Variants in POLR2H observed in about 807,000 individuals in gnomAD.
The protein encoded by POLR2H is DNA-directed RNA polymerases I, II, and III subunit RPABC3.
In POLR2H, 3 loss-of-function variants were observed where a neutral mutation model predicts 18.1. That is an observed-to-expected ratio of 0.17 (90% CI 0.08 to 0.43). The LOEUF (loss-of-function observed/expected upper bound fraction) is 0.43, where lower values mean the gene tolerates loss of function less well. POLR2H is among the 20% of genes least tolerant of loss of function. The pLI is 0.99. For missense variants in POLR2H, 103 were observed against 184.6 expected, an observed-to-expected ratio of 0.56 and a Z score of 2.56; for synonymous variants, 76 against 69.0, an observed-to-expected ratio of 1.10 and a Z score of -0.50.
intron 2 of POLR2H, 55 bp downstream of exon 2, chr3:184,363,620 CCCCTGGGCCCCGTGTCCA>C: frequency 4.3e-6 from 6 of 1,406,354 alleles, no homozygotes; most frequent in Non-Finnish European, 6.0e-6. Context: ...CGCGGACATG[CCCCTGGGCCCCGTGTCCA>C]CCCAGCTCTT....
In POLR2H at chr3:184,365,157, C is replaced by T. The variant is rs1455540036; in HGVS notation, c.182C>T (p.Ala61Val). The T allele has an allele frequency of 1.5e-5, 25 of 1,612,988 alleles. No homozygotes were observed. The Admixed American group carries it at 4.2e-4, about 27-fold the overall frequency. The change falls in exon 4 of 6, where the codon GCT becomes GTT. Residue 61 changes from alanine to valine, a missense_variant. Transcript: ENST00000456318. ...DLGDKFRLVI[A>V]STLYEDGTLD... ...GGTGACAAGTTTCGGTTGGTCATAG[C>T]TAGTACCTTGTATGAAGATGGTACC...
rs369006018 is a variant in POLR2H, at chr3:184,363,578, T to C, written c.73+13T>C. ...AAGTTTGACCGAGGTAAGTAAGGTA[T>C]GTAGGGGCGGTTTGGAGGAAGAGGC... On this transcript the variant is annotated intron_variant, in intron 2 of 5. Transcript: ENST00000456318. 3.7e-6 allele frequency: 6 copies of C among 1,610,522 alleles called. No homozygotes were observed. The African/African-American group carries it at 6.7e-5, about 18-fold the overall frequency.
chr3:184,364,847 G>C, intron 2 of POLR2H, 119 bp from the exon 3 acceptor site: 1 of 695,412 alleles, frequency 1.4e-6, no homozygotes. Flanking sequence ...TTCTATGAGA[G>C]CAGATGAGAG....
intron 5 of POLR2H, among the ~76,000 whole-genome samples, chr3:184,367,932 A>G (rs900491736): frequency 6.6e-6 from 1 of 152,196 alleles, no homozygotes; most frequent in Non-Finnish European, 1.5e-5. Flanking sequence ...TGCCTTGCAC[A>G]TATCTGTGCA....
Position 184,365,209 on chromosome 3 carries a change from T to C in POLR2H, c.234T>C (p.Thr78=). The C allele has an allele frequency of 6.2e-7, 1 of 1,608,790 alleles. No individual in the cohort carries two copies. Among genetic ancestry groups the C allele is most frequent in the Non-Finnish European group, 8.5e-7 (1 of 1,175,110 alleles). The change falls in exon 4 of 6, where the codon ACT becomes ACC. Residue 78 remains threonine, a synonymous_variant. Coordinates refer to ENST00000456318, the MANE Select transcript of POLR2H (RefSeq NM_006232.5). The part of the protein sequence containing the change: ...GTLDDGEYNP[T]DDRPSRADQF... Reference sequence around the variant, plus strand: ...TGGATGATGGTGAATACAACCCCACTGATGATAGGCCTTCCAGGTGAGGGA... The same window carrying C: ...TGGATGATGGTGAATACAACCCCACCGATGATAGGCCTTCCAGGTGAGGGA...
chr3:184,365,868 T>G (rs937376145), intron 4 of POLR2H, among the ~76,000 whole-genome samples: 1 of 145,154 alleles, frequency 6.9e-6, no homozygotes, highest in African/African-American at 2.6e-5. Flanking sequence ...CCCAGCTACT[T>G]GGGAGGCTGA....
At position 184,362,048 on chromosome 3, in the gene POLR2H, G is replaced by A. The variant is rs1260314000; in HGVS notation, c.-719G>A. 3 of 152,546 alleles carry A rather than the reference G, an allele frequency of 2.0e-5. No individual in the cohort carries two copies. The highest frequency in any genetic ancestry group is 4.4e-5 in the Non-Finnish European group (3 of 68,274). 9.4% of individuals were successfully genotyped at this position (152,546 alleles called of 1,614,324 possible). Reference sequence around the variant, plus strand: ...CGAGCGGCCCAGACAGGCCTGGGAAGGCCCCTCTGCCCCGTCAGGGGTGAA... The same window carrying A: ...CGAGCGGCCCAGACAGGCCTGGGAAAGCCCCTCTGCCCCGTCAGGGGTGAA... On this transcript the variant is annotated 5_prime_UTR_variant, in exon 1 of 6. Transcript: ENST00000456318. This position sits in a 1 kb window ranked among gnomAD's most constrained non-coding sequence, Gnocchi z 5.9.
rs1310024910 is a variant in POLR2H at position 184,365,232 on chromosome 3, G to T, written c.251+6G>T. 2.6e-6 allele frequency: 4 copies of T among 1,548,458 alleles called. No homozygotes were observed. The highest frequency in any genetic ancestry group is 3.6e-6 in the Non-Finnish European group (4 of 1,120,292). On this transcript the variant is annotated splice_donor_region_variant and intron_variant, in intron 4 of 5. Coordinates refer to ENST00000456318, the MANE Select transcript of POLR2H (RefSeq NM_006232.5). ...ACTGATGATAGGCCTTCCAGGTGAG[G>T]GAGTGGAGAAGGTAATACTTGAAAT...
rs145245402 is a variant in POLR2H at position 184,368,408 on chromosome 3, C to T, written c.*114C>T. On this transcript the variant is annotated 3_prime_UTR_variant, in exon 6 of 6. Transcript: ENST00000456318. The stretch of plus-strand genomic sequence containing the variant: ...GAGGAAGGGCTGGCTCACTGTCCAC[C>T]GTGGCGGCATCTTTAACTGGCCTCC... The T allele has an allele frequency of 1.5e-5, 12 of 818,988 alleles. No individual in the cohort carries two copies. The highest frequency in any genetic ancestry group is 2.7e-5 in the Admixed American group (1 of 37,370). The allele number at this position is 818,988 out of a possible 1,614,324, so 50.7% of individuals were successfully genotyped here.
At chr3:184,364,786 G>GT in intron 2 of POLR2H, 180 bp from the exon 3 acceptor site, 1 of 583,896 alleles carries the variant, frequency 1.7e-6, no homozygotes, top group Non-Finnish European at 3.0e-6. Flanking sequence ...GCTTGCCACA[G>GT]TTTTTCTCCC....
At chr3:184,363,598 A>G (rs950410908) in intron 2 of POLR2H, 33 bp downstream of exon 2, 23 of 1,574,126 alleles carry the variant, frequency 1.5e-5, no homozygotes, top group Non-Finnish European at 1.7e-5. Flanking sequence ...GTTTGGAGGA[A>G]GAGGCTAACC....
At chr3:184,367,448 A>G (rs183323223) in intron 5 of POLR2H, among the ~76,000 whole-genome samples, 2 of 150,292 alleles carry the variant, frequency 1.3e-5, no homozygotes, top group Admixed American at 6.6e-5. Flanking sequence ...TATGTAAAAC[A>G]TGTTTCCCCA....
In POLR2H at chr3:184,363,271, A is replaced by T. The variant is rs1416910099; in HGVS notation, c.-222A>T. ...CGCCCTCAATGCCGAAGCCTCTCGG[A>T]AGCAATCTTTCGGGACGGAAGTTAA... is the stretch of plus-strand genomic sequence containing the variant. On this transcript the variant is annotated 5_prime_UTR_variant, in exon 2 of 6. An upstream open reading frame in the 5' UTR gains an earlier in-frame stop. Transcript: ENST00000456318. 4.2e-5 allele frequency: 25 copies of T among 596,994 alleles called. No homozygotes were observed. The South Asian group carries it at 4.7e-4, about 11-fold the overall frequency. The allele number at this position is 596,994 out of a possible 1,614,324, so 37.0% of individuals were successfully genotyped here. A position where few individuals can be genotyped will look rare whatever the true frequency, so the allele number is the denominator to read the frequency against.
rs983156864 is a variant in POLR2H, at chr3:184,363,026, G to T, written c.-467G>T. 2 of 217,744 alleles carry T rather than the reference G, an allele frequency of 9.2e-6. No homozygotes were observed. The highest frequency in any genetic ancestry group is 1.9e-5 in the Non-Finnish European group (2 of 106,042). The allele number at this position is 217,744 out of a possible 1,614,324, so 13.5% of individuals were successfully genotyped here. ...TTCTGCTCCACCTGCCCTCGGCGCGGACTGTGCCCTCGGCGGGCACGCGGA... is the reference window on the plus strand; with the variant it reads ...TTCTGCTCCACCTGCCCTCGGCGCGTACTGTGCCCTCGGCGGGCACGCGGA... On this transcript the variant is annotated 5_prime_UTR_variant, in exon 2 of 6. Coordinates refer to ENST00000456318, the MANE Select transcript of POLR2H (RefSeq NM_006232.5).
rs765439305 is a variant in POLR2H, at chr3:184,363,543, G to A, written c.51G>A (p.Pro17=). 3.7e-6 allele frequency: 6 copies of A among 1,614,058 alleles called. No individual in the cohort carries two copies. The highest frequency in any genetic ancestry group is 4.5e-5 in the East Asian group (2 of 44,878). Residue 17 remains proline, a synonymous_variant, in exon 2 of 6, where the codon CCG becomes CCA. Coordinates refer to ENST00000456318, the MANE Select transcript of POLR2H (RefSeq NM_006232.5). The part of the protein sequence containing the change: ...EDIFDVKDID[P]EGKKFDRVSR... ...TTTTCGATGTGAAGGATATTGACCC[G>A]GAGGGCAAGAAGTTTGACCGAGGTA...
Position 184,368,315 on chromosome 3 carries a change from C to T in POLR2H, c.*21C>T. 6.4e-7 allele frequency: 1 copy of T among 1,559,258 alleles called. No homozygotes were observed. The highest frequency in any genetic ancestry group is 8.7e-7 in the Non-Finnish European group (1 of 1,149,982). On this transcript the variant is annotated 3_prime_UTR_variant, in exon 6 of 6. Transcript: ENST00000456318. The stretch of plus-strand genomic sequence containing the variant: ...TCTGAACCTCGCCTGAAGCCAGCCT[C>T]TCTGCCAAGTCACTCAGGTCATGGG...
chr3:184,363,659 C>T, intron 2 of POLR2H, 94 bp downstream of exon 2: 1 of 923,432 alleles, frequency 1.1e-6, no homozygotes, highest in Non-Finnish European at 1.7e-6. Flanking sequence ...GTGGCCTGCC[C>T]CTACCAGCAG....
intron 4 of POLR2H, 84 bp from the exon 5 acceptor site, chr3:184,366,633 C>G: frequency 1.2e-6 from 1 of 830,500 alleles, no homozygotes; most frequent in Non-Finnish European, 2.0e-6. Flanking sequence ...CCACCACGCC[C>G]GGCTGACCAG....
At chr3:184,367,758 G>A (rs1010977798) in intron 5 of POLR2H, among the ~76,000 whole-genome samples, 7 of 152,064 alleles carry the variant, frequency 4.6e-5, no homozygotes, top group Non-Finnish European at 1.0e-4. Flanking sequence ...CCAAAGTGCT[G>A]GGATTACAGG....
Sources: gnomAD v4.1 joint callset for allele counts (sites outside exome capture counted in the v4.1 genomes callset) on GRCh38, gnomAD v4.1.1 for gene constraint, Gnocchi (gnomAD v3.1) non-coding constraint, MANE v1.5 for transcripts, NCBI Gene and HGNC (gene_info 2026-07-23, HGNC 2026-07-21) for gene names.